The following L3MBTL4 variants were observed in gnomAD, a reference collection of about 807,000 sequenced individuals.
The protein encoded by L3MBTL4 is L3MBTL histone methyl-lysine binding protein 4.
In L3MBTL4, 70 loss-of-function variants were observed where a neutral mutation model predicts 84.5. The observed-to-expected ratio is 0.83, with a 90% CI of 0.68 to 1.01. The LOEUF (loss-of-function observed/expected upper bound fraction) is 1.01. L3MBTL4 is among the 50% of genes least tolerant of loss of function. The probability of loss-of-function intolerance (pLI) is 0.00; values close to 1 mark genes in which losing one functional copy is unlikely to be tolerated. For synonymous variants in L3MBTL4, 274 were observed against 259.8 expected (o/e 1.05, Z -0.52); for missense variants, 715 against 754.8 (o/e 0.95, Z 0.62).
At chr18:6,238,641 T>C (rs1224689680) in intron 9 of L3MBTL4, among the ~76,000 whole-genome samples, 1 of 152,244 alleles carries the variant, frequency 6.6e-6, no homozygotes, top group East Asian at 1.9e-4. Flanking sequence ...TACCACTTCT[T>C]GCTGGCAGCA....
chr18:6,397,529 C>T (rs1372685388), intron 1 of L3MBTL4: 2 of 152,044 alleles, frequency 1.3e-5, no homozygotes, highest in Non-Finnish European at 1.5e-5. Context: ...AGTGTGGTAT[C>T]GTAAAAATCA....
At chr18:6,080,798 G>T in intron 16 of L3MBTL4, 83 bp downstream of exon 16, 1 of 1,041,290 alleles carries the variant, frequency 9.6e-7, no homozygotes, top group Non-Finnish European at 1.4e-6. Flanking sequence ...CTGTTGGAAT[G>T]ATAAAACCAA....
At chr18:5,985,767 G>A (rs1264424198) in intron 16 of L3MBTL4, among the ~76,000 whole-genome samples, 1 of 152,172 alleles carries the variant, frequency 6.6e-6, no homozygotes, top group Non-Finnish European at 1.5e-5. Context: ...CCATGGGGTG[G>A]TTTTAGAGCA....
intron 1 of L3MBTL4, among the ~76,000 whole-genome samples, chr18:6,354,221 G>A (rs1042920347): frequency 1.3e-5 from 2 of 152,112 alleles, no homozygotes; most frequent in African/African-American, 2.4e-5. Context: ...GGGAAAAGTG[G>A]ATATCCATAT....
intron 12 of L3MBTL4, among the ~76,000 whole-genome samples, chr18:6,212,411 T>C (rs561862013): frequency 2.6e-5 from 4 of 152,204 alleles, no homozygotes; most frequent in Non-Finnish European, 4.4e-5. Context: ...CTTCAATCTT[T>C]ATTATTATGA....
chr18:6,170,884 A>G (rs1445930996), intron 13 of L3MBTL4, among the ~76,000 whole-genome samples: 2 of 152,106 alleles, frequency 1.3e-5, no homozygotes, highest in African/African-American at 4.8e-5. Flanking sequence ...GGTGCTGACC[A>G]TGGTCCTCTT....
intron 16 of L3MBTL4, among the ~76,000 whole-genome samples, chr18:6,026,702 T>C (rs1262931211): frequency 6.6e-6 from 1 of 152,202 alleles, no homozygotes; most frequent in Non-Finnish European, 1.5e-5. Context: ...TGAGGACTTA[T>C]AATAGTGACT....
intron 4 of L3MBTL4, among the ~76,000 whole-genome samples, chr18:6,284,092 C>T (rs983979462): frequency 1.3e-5 from 2 of 152,128 alleles, no homozygotes; most frequent in African/African-American, 4.8e-5. Flanking sequence ...TAGATGCTGT[C>T]TTAGGGGAAA....
chr18:6,271,969 C>T (rs557540030), intron 4 of L3MBTL4, among the ~76,000 whole-genome samples: 1 of 152,236 alleles, frequency 6.6e-6, no homozygotes, highest in African/African-American at 2.4e-5. Flanking sequence ...GAGGTCAAAG[C>T]GTGAAAGGAA....
intron 14 of L3MBTL4, among the ~76,000 whole-genome samples, chr18:6,103,836 C>G (rs1393613566): frequency 6.6e-6 from 1 of 152,182 alleles, no homozygotes; most frequent in Non-Finnish European, 1.5e-5. Context: ...CTTGACAAAC[C>G]TATGCACTGA....
chr18:5,973,682 T>C (rs191411224), intron 16 of L3MBTL4, among the ~76,000 whole-genome samples: 1 of 152,334 alleles, frequency 6.6e-6, no homozygotes, highest in Admixed American at 6.5e-5. Context: ...CAGATTCTTC[T>C]ATCTTGGGCA....
chr18:6,228,407 A>T (rs766183455), intron 10 of L3MBTL4, among the ~76,000 whole-genome samples: 20 of 152,186 alleles, frequency 1.3e-4, no homozygotes, highest in Non-Finnish European at 1.9e-4. Context: ...CATCATCAAA[A>T]TTTTTAAAAT....
chr18:6,057,522 T>C (rs558204682), intron 16 of L3MBTL4, among the ~76,000 whole-genome samples: 1 of 152,352 alleles, frequency 6.6e-6, no homozygotes, highest in East Asian at 1.9e-4. Flanking sequence ...TAGTTTCTAC[T>C]TTCTTTAAAT....
At chr18:6,090,632 CT>C (rs371420348) in intron 15 of L3MBTL4, among the ~76,000 whole-genome samples, 2,887 of 138,936 alleles carry the variant, frequency 0.021, 49 homozygotes, top group African/African-American at 0.042. Context: ...ACATATATTT[CT>C]TTTTTTTTTT....
Position 6,318,920 on chromosome 18 carries a change from A to T in L3MBTL4, c.-90-6864T>A, listed in dbSNP as rs182728542. Among the ~76,000 whole-genome samples, 166 of 152,270 alleles carry T rather than the reference A, an allele frequency of 1.1e-3. 1 individual carries two copies. Among genetic ancestry groups the T allele is most frequent in the Middle Eastern group, 3.4e-3 (1 of 294 alleles). ...TGATACATTTTAACATATCAAAATC[A>T]TATTAAGTATCTTCCAAGACCACAG... On this transcript the variant is annotated intron_variant, in intron 1 of 18. Coordinates refer to ENST00000317931, the MANE Select transcript of L3MBTL4 (RefSeq NM_001330559.2).
chr18:6,051,218 C>G (rs932349364), intron 16 of L3MBTL4, among the ~76,000 whole-genome samples: 1 of 152,220 alleles, frequency 6.6e-6, no homozygotes, highest in African/African-American at 2.4e-5. Flanking sequence ...GAGGTCATGA[C>G]AGTCTGCATG....
chr18:6,383,675 T>C (rs1335799656), intron 1 of L3MBTL4, among the ~76,000 whole-genome samples: 2 of 152,166 alleles, frequency 1.3e-5, no homozygotes, highest in African/African-American at 4.8e-5. Context: ...ATGAACTGGG[T>C]ACCTCAGTTG....
intron 16 of L3MBTL4, among the ~76,000 whole-genome samples, chr18:6,038,346 C>T (rs573356364): frequency 2.7e-5 from 4 of 150,862 alleles, no homozygotes; most frequent in Non-Finnish European, 2.9e-5. Context: ...CTCCGCCTCT[C>T]GGGTTCACGC....
At position 6,316,160 on chromosome 18, in the gene L3MBTL4, T is replaced by C. The variant is rs3016528; in HGVS notation, c.-90-4104A>G. The stretch of plus-strand genomic sequence containing the variant: ...CCATGCCACTCCCCTGCCACCCCCA[T>C]CGGAGCTAGTGCCGGTGCCTACTGC... On this transcript the variant is annotated intron_variant, in intron 1 of 18. Coordinates refer to ENST00000317931, the MANE Select transcript of L3MBTL4 (RefSeq NM_001330559.2). Among the ~76,000 whole-genome samples the C allele has an allele frequency of 5.5e-4, 76 of 137,240 alleles. 3 individuals are homozygous for C. Among genetic ancestry groups the C allele is most frequent in the African/African-American group, 1.8e-3 (64 of 36,542 alleles). 90.0% of individuals were successfully genotyped at this position (137,240 alleles called of 152,430 possible). A position where few individuals can be genotyped will look rare whatever the true frequency, so the allele number is the denominator to read the frequency against.
Sources: gnomAD v4.1 joint callset for allele counts (sites outside exome capture counted in the v4.1 genomes callset) on GRCh38, gnomAD v4.1.1 for gene constraint, MANE v1.5 for transcripts, NCBI Gene and HGNC (gene_info 2026-07-23, HGNC 2026-07-21) for gene names.